DGKZ: variants seen among roughly 807,000 people sequenced by gnomAD.
DGKZ encodes the protein DAG kinase zeta.
In DGKZ, 45 loss-of-function variants were observed where a neutral mutation model predicts 142.5. The observed-to-expected ratio is 0.32, with a 90% CI of 0.25 to 0.40. DGKZ has a LOEUF of 0.40. Ranked by LOEUF, DGKZ falls within the 10% of genes least tolerant of loss-of-function variation. The probability of loss-of-function intolerance (pLI) is 1.00; values close to 1 mark genes in which losing one functional copy is unlikely to be tolerated. For synonymous variants in DGKZ, 442 were observed against 527.0 expected (o/e 0.84, Z 2.21); for missense variants, 755 against 1,306.5 (o/e 0.58, Z 6.51).
At chr11:46,375,354 G>C in intron 19 of DGKZ, 78 bp from the exon 20 acceptor site, 3 of 1,453,910 alleles carry the variant, frequency 2.1e-6, no homozygotes, top group Non-Finnish European at 2.8e-6. Context: ...TAGAGTTTCT[G>C]CTTCGGAAGG....
intron 28 of DGKZ, 23 bp downstream of exon 28, chr11:46,379,134 G>C: frequency 6.2e-7 from 1 of 1,610,776 alleles, no homozygotes; most frequent in Non-Finnish European, 8.5e-7. Flanking sequence ...GTGGAGCCCA[G>C]GGCCTGGGGC....
At chr11:46,370,132 C>A in intron 6 of DGKZ, 123 bp downstream of exon 6, 1 of 1,236,668 alleles carries the variant, frequency 8.1e-7, no homozygotes. Context: ...GGCTGACCCT[C>A]AGCCTGGCTG....
At position 46,371,689 on chromosome 11, in the gene DGKZ, C is replaced by G. The variant is rs772750192; in HGVS notation, c.760-15C>G. On this transcript the variant is annotated splice_polypyrimidine_tract_variant and intron_variant, in intron 8 of 30. Coordinates refer to ENST00000527911, the Ensembl canonical transcript of DGKZ. Reference sequence around the variant, plus strand: ...CCTGCCCACCTCGTCACCAACACCCCTGCTTCCCTTGCAGAATACTCTGAA... The same window carrying G: ...CCTGCCCACCTCGTCACCAACACCCGTGCTTCCCTTGCAGAATACTCTGAA... The G allele has an allele frequency of 9.9e-6, 16 of 1,613,968 alleles. No homozygotes were observed. Among genetic ancestry groups the G allele is most frequent in the Non-Finnish European group, 1.4e-5 (16 of 1,179,982 alleles).
chr11:46,348,020 G>A (rs768982814), intron 1 of DGKZ, among the ~76,000 whole-genome samples, 200 bp downstream of exon 1: 5 of 152,184 alleles, frequency 3.3e-5, no homozygotes, highest in African/African-American at 4.8e-5. Context: ...ACACGGGCGG[G>A]ATCGGTCGGC....
At chr11:46,363,898 G>A (rs774961222) in intron 1 of DGKZ, among the ~76,000 whole-genome samples, 1 of 152,188 alleles carries the variant, frequency 6.6e-6, no homozygotes, top group Non-Finnish European at 1.5e-5. Context: ...GGAAGACCCG[G>A]GTTCAGGTCC....
In DGKZ at chr11:46,376,872, C is replaced by T. The variant is rs537133518; in HGVS notation, c.2203-201C>T. On this transcript the variant is annotated intron_variant, in intron 24 of 30. Transcript: ENST00000527911. ...CAAAGGCATTCTGGTCAGGCGCCAG[C>T]TCACCTGGTAAAGTCTGGGCAGTCG... The T allele has an allele frequency of 1.8e-4, 116 of 643,776 alleles. No homozygotes were observed. In the East Asian group the frequency reaches 3.1e-3, roughly 17 times the overall value. 39.9% of individuals were successfully genotyped at this position (643,776 alleles called of 1,614,324 possible).
chr11:46,374,499 C>T (rs1944324305), intron 16 of DGKZ, 45 bp downstream of exon 16: 6 of 1,613,370 alleles, frequency 3.7e-6, no homozygotes, highest in Non-Finnish European at 5.1e-6. Context: ...TCTTCTACCA[C>T]CCGTGCCCGT....
intron 1 of DGKZ, chr11:46,366,439 G>C: frequency 6.5e-7 from 1 of 1,549,066 alleles, no homozygotes; most frequent in Non-Finnish European, 8.7e-7. Context: ...GCTGCCTCCT[G>C]AGTTGCGGGG....
intron 1 of DGKZ, among the ~76,000 whole-genome samples, chr11:46,355,733 G>A (rs1208708377): frequency 1.3e-5 from 2 of 151,918 alleles, no homozygotes; most frequent in South Asian, 2.1e-4. Flanking sequence ...GTTGAGGGGG[G>A]AGGTGTTAAA....
At chr11:46,355,803 A>G (rs2136422897) in intron 1 of DGKZ, among the ~76,000 whole-genome samples, 1 of 151,950 alleles carries the variant, frequency 6.6e-6, no homozygotes, top group South Asian at 2.1e-4. Context: ...TTGGAGCGCA[A>G]TGGCGCGGTC....
At chr11:46,339,530 C>T (rs1564991030) in intron 1 of DGKZ, among the ~76,000 whole-genome samples, 1 of 152,238 alleles carries the variant, frequency 6.6e-6, no homozygotes, top group Non-Finnish European at 1.5e-5. Context: ...CAGTGCCACA[C>T]TGTCCCAGAG....
upstream of DGKZ, among the ~76,000 whole-genome samples, chr11:46,346,759 T>C (rs754595319): frequency 6.6e-6 from 1 of 152,140 alleles, no homozygotes; most frequent in African/African-American, 2.4e-5. Context: ...GCATATGAGA[T>C]CTATAGGTTC....
At chr11:46,339,164 G>C (rs180680634) in intron 1 of DGKZ, among the ~76,000 whole-genome samples, 13 of 152,362 alleles carry the variant, frequency 8.5e-5, no homozygotes, top group Non-Finnish European at 1.8e-4. Flanking sequence ...GCACGCTGCT[G>C]CGGGTCCACG....
chr11:46,348,191 C>T (rs547749144), intron 1 of DGKZ, among the ~76,000 whole-genome samples: 1 of 152,192 alleles, frequency 6.6e-6, no homozygotes, highest in Non-Finnish European at 1.5e-5. Context: ...TGGTCACCCA[C>T]GCCTTCTTGG....
intron 1 of DGKZ, among the ~76,000 whole-genome samples, chr11:46,349,760 A>G (rs1941132393): frequency 6.6e-6 from 1 of 152,222 alleles, no homozygotes; most frequent in African/African-American, 2.4e-5. Flanking sequence ...TCAGAGTCAC[A>G]TAGCAAGGAA....
intron 1 of DGKZ, among the ~76,000 whole-genome samples, chr11:46,337,564 G>C (rs1385159601): frequency 6.6e-6 from 1 of 151,946 alleles, no homozygotes; most frequent in African/African-American, 2.4e-5. Context: ...CCAAAGTTCT[G>C]GGATTACAGG....
intron 1 of DGKZ, among the ~76,000 whole-genome samples, chr11:46,349,416 C>T (rs1941087397): frequency 1.3e-5 from 2 of 152,174 alleles, no homozygotes; most frequent in South Asian, 2.1e-4. Flanking sequence ...TGACCTGTGG[C>T]TGTGCCCCTT....
At position 46,367,533 on chromosome 11, in the gene DGKZ, A is replaced by G; in HGVS notation, c.271-119A>G. 1 of 1,055,796 alleles carries G rather than the reference A, an allele frequency of 9.5e-7. No homozygotes were observed. The highest frequency in any genetic ancestry group is 1.3e-6 in the Non-Finnish European group (1 of 799,010). The allele number at this position is 1,055,796 out of a possible 1,614,324, so 65.4% of individuals were successfully genotyped here. Reference sequence around the variant, plus strand: ...TGGGACAGTGGGGCAGACGGAACAGAGCAGGGTCGATCGGGGCGCTGGAGT... The same window carrying G: ...TGGGACAGTGGGGCAGACGGAACAGGGCAGGGTCGATCGGGGCGCTGGAGT... On this transcript the variant is annotated intron_variant, in intron 2 of 30. Transcript: ENST00000527911. This position sits in a 1 kb window ranked among gnomAD's most constrained non-coding sequence, Gnocchi z 4.1.
At chr11:46,350,112 C>G (rs974376160) in intron 1 of DGKZ, among the ~76,000 whole-genome samples, 2 of 152,192 alleles carry the variant, frequency 1.3e-5, no homozygotes, top group African/African-American at 2.4e-5. Flanking sequence ...TTTGGGAGCA[C>G]TGTGCTGGGG....
Sources: allele counts gnomAD v4.1 joint callset (sites outside exome capture counted in the v4.1 genomes callset), GRCh38; gene constraint gnomAD v4.1.1; non-coding constraint Gnocchi (gnomAD v3.1); transcripts MANE v1.5; gene names NCBI Gene and HGNC (gene_info 2026-07-23, HGNC 2026-07-21).